Variants in PRKN observed in about 807,000 individuals in gnomAD.
PRKN encodes parkin RBR E3 ubiquitin protein ligase.
Under a neutral mutation model 59.5 loss-of-function variants are expected in PRKN, and 56 were observed. The observed-to-expected ratio is 0.94, with a 90% CI of 0.76 to 1.18. The LOEUF (loss-of-function observed/expected upper bound fraction) is 1.18, where lower values mean the gene tolerates loss of function less well. Among genes scored for constraint, PRKN ranks in the 50% most tolerant of loss-of-function variants. The pLI, the probability that PRKN is intolerant of heterozygous loss-of-function variation, is 0.00. For missense variants in PRKN, 657 were observed against 596.4 expected (o/e 1.10, Z -1.06); for synonymous variants, 250 against 222.1 (o/e 1.13, Z -1.12).
chr6:162,102,327 A>T (rs1213027216), intron 4 of PRKN, among the ~76,000 whole-genome samples: 1 of 152,178 alleles, frequency 6.6e-6, no homozygotes, highest in African/African-American at 2.4e-5. Context: ...GCACCAGCTA[A>T]GACTATGCCT....
intron 1 of PRKN, among the ~76,000 whole-genome samples, chr6:162,703,886 G>A (rs141285782): frequency 0.01 from 1,576 of 152,232 alleles, 20 homozygotes; most frequent in African/African-American, 0.036. Flanking sequence ...CAATATATTT[G>A]GGAGTCAACT....
At chr6:162,422,360 C>CCATCTAT (rs1313583469) in intron 2 of PRKN, among the ~76,000 whole-genome samples, 1 of 152,078 alleles carries the variant, frequency 6.6e-6, no homozygotes, top group Non-Finnish European at 1.5e-5. Flanking sequence ...TGCTGTCAAG[C>CCATCTAT]CAGTGATGCA....
rs147258109 is a variant in PRKN, at chr6:161,391,883, C to T, written c.1084-5006G>A. 6.6e-6 allele frequency among the ~76,000 whole-genome samples: 1 copy of T among 152,062 alleles called. No individual in the cohort carries two copies. Among genetic ancestry groups the T allele is most frequent in the Non-Finnish European group, 1.5e-5 (1 of 68,004 alleles). ...GCCACTCTGTGGATTTAGGAGGTGC[C>T]TACCCAGCCCTGAAACCGTGTAAGC... On this transcript the variant is annotated intron_variant, in intron 9 of 11. Transcript: ENST00000366898. This position sits in a 1 kb window ranked among gnomAD's most constrained non-coding sequence, Gnocchi z 4.9.
At position 161,776,487 on chromosome 6, in the gene PRKN, T is replaced by C. The variant is rs560503999; in HGVS notation, c.871+9285A>G. 3.9e-4 allele frequency among the ~76,000 whole-genome samples: 59 copies of C among 152,310 alleles called. No homozygotes were observed. In the Middle Eastern group the frequency reaches 0.01, roughly 26 times the overall value. On this transcript the variant is annotated intron_variant, in intron 7 of 11. Coordinates refer to ENST00000366898, the MANE Select transcript of PRKN (RefSeq NM_004562.3). ...GCAAGTCAAATCACTAGAGATTACA[T>C]AGACATGGGCAGAGGGAGTATTTTT...
At chr6:162,007,531 G>C (rs1240362496) in intron 5 of PRKN, among the ~76,000 whole-genome samples, 2 of 152,106 alleles carry the variant, frequency 1.3e-5, no homozygotes, top group Non-Finnish European at 2.9e-5. Flanking sequence ...GAGTTTTGCA[G>C]GGTCTCCAAG....
At chr6:162,249,006 G>T (rs1779315494) in intron 3 of PRKN, among the ~76,000 whole-genome samples, 1 of 151,736 alleles carries the variant, frequency 6.6e-6, no homozygotes. Flanking sequence ...AGCCTCCCGA[G>T]TACCTGGGAC....
At chr6:162,038,700 A>G (rs559088140) in intron 5 of PRKN, among the ~76,000 whole-genome samples, 1 of 152,346 alleles carries the variant, frequency 6.6e-6, no homozygotes, top group African/African-American at 2.4e-5. Context: ...TATGTCACTG[A>G]TGTTGACTTG....
At chr6:161,532,141 A>ACTCTCTCTCTCTCTCT (rs773618878) in intron 9 of PRKN, among the ~76,000 whole-genome samples, 4 of 134,414 alleles carry the variant, frequency 3.0e-5, no homozygotes, top group African/African-American at 1.1e-4. Flanking sequence ...TCTGTCTTGC[A>ACTCTCTCTCTCTCTCT]CTCTCTCTCT....
rs201525617 is a variant in PRKN, at chr6:162,584,218, AAAAAAACAAAAAACAAAAAACAAAAAAC to A, written c.8-140773_8-140746del. Reference sequence around the variant, plus strand: ...ACAGAGTGAGACTCCGTCTCAAAAAAAAAAAACAAAAAACAAAAAACAAAAAACAAAAAAAAAAAAAACACTGACTATA... The same window carrying A: ...ACAGAGTGAGACTCCGTCTCAAAAAAAAAAAAAAAAAAAACACTGACTATA... On this transcript the variant is annotated intron_variant, in intron 1 of 11. Coordinates refer to ENST00000366898, the MANE Select transcript of PRKN (RefSeq NM_004562.3). Among the ~76,000 whole-genome samples the A allele has an allele frequency of 1.2e-3, 110 of 92,702 alleles. 3 individuals carry two copies. Among genetic ancestry groups the A allele is most frequent in the African/African-American group, 3.3e-3 (101 of 30,394 alleles). The allele number at this position is 92,702 out of a possible 152,430, so 60.8% of individuals were successfully genotyped here. A position where few individuals can be genotyped will look rare whatever the true frequency, so the allele number is the denominator to read the frequency against.
intron 4 of PRKN, among the ~76,000 whole-genome samples, chr6:162,068,009 G>A (rs112435260): frequency 3.0e-4 from 45 of 152,228 alleles, no homozygotes; most frequent in East Asian, 7.7e-4. Context: ...GGCCGATGTC[G>A]GACAGATGTC....
intron 1 of PRKN, among the ~76,000 whole-genome samples, chr6:162,698,562 T>TGG (rs1778047283): frequency 6.6e-6 from 1 of 152,262 alleles, no homozygotes; most frequent in East Asian, 1.9e-4. Context: ...CCTCTTTCCC[T>TGG]GGCTGGAGAG....
intron 2 of PRKN, among the ~76,000 whole-genome samples, chr6:162,425,719 T>G (rs544862271): frequency 1.3e-5 from 2 of 151,940 alleles, no homozygotes; most frequent in Non-Finnish European, 2.9e-5. Context: ...GATGAAGAAC[T>G]TAGAGAGGAA....
intron 6 of PRKN, among the ~76,000 whole-genome samples, chr6:161,890,203 T>G (rs1007154769): frequency 1.3e-5 from 2 of 152,226 alleles, no homozygotes; most frequent in Admixed American, 1.3e-4. Flanking sequence ...TCCTAGCTTT[T>G]TAAAAGGCTT....
At chr6:161,394,016 G>A (rs563498261) in intron 9 of PRKN, among the ~76,000 whole-genome samples, 6 of 152,222 alleles carry the variant, frequency 3.9e-5, no homozygotes, top group South Asian at 2.1e-4. Context: ...GCAGAGATAC[G>A]TAAGTCCAGC....
intron 2 of PRKN, among the ~76,000 whole-genome samples, chr6:162,352,218 C>T (rs1784654055): frequency 6.6e-6 from 1 of 152,190 alleles, no homozygotes; most frequent in African/African-American, 2.4e-5. Flanking sequence ...TCTCTGCACC[C>T]AGGTCATCCC....
intron 1 of PRKN, among the ~76,000 whole-genome samples, chr6:162,502,188 G>T (rs1373948500): frequency 6.6e-6 from 1 of 152,034 alleles, no homozygotes; most frequent in Non-Finnish European, 1.5e-5. Flanking sequence ...TTGAGACAAG[G>T]TCTCTTCTGT....
At chr6:162,170,279 C>T (rs2023081) in intron 4 of PRKN, among the ~76,000 whole-genome samples, 143,101 of 152,208 alleles carry the variant, frequency 0.94, 67,656 homozygotes, top group Middle Eastern at 0.98. Context: ...CACACATCAA[C>T]GTTTTAAGAT....
chr6:162,097,167 T>C (rs562001888), intron 4 of PRKN, among the ~76,000 whole-genome samples: 3 of 152,178 alleles, frequency 2.0e-5, no homozygotes, highest in Non-Finnish European at 4.4e-5. Context: ...TGAGCCACTG[T>C]ACCTGGCCAA....
chr6:162,290,272 C>T (rs61514110), intron 2 of PRKN, among the ~76,000 whole-genome samples: 3,932 of 152,182 alleles, frequency 0.026, 158 homozygotes, highest in African/African-American at 0.086. Flanking sequence ...TAGTTGTTTG[C>T]TTTAATATAA....
Sources: gnomAD v4.1 joint callset for allele counts (sites outside exome capture counted in the v4.1 genomes callset) on GRCh38, gnomAD v4.1.1 for gene constraint, Gnocchi (gnomAD v3.1) non-coding constraint, MANE v1.5 for transcripts, NCBI Gene and HGNC (gene_info 2026-07-23, HGNC 2026-07-21) for gene names.